BFSP2: variants seen among roughly 807,000 people sequenced by gnomAD.
The protein encoded by BFSP2 is beaded filament structural protein 2, also known as phakinin.
Under a neutral mutation model 44.9 loss-of-function variants are expected in BFSP2, and 38 were observed. That is an observed-to-expected ratio of 0.85 (90% CI 0.65 to 1.11). The LOEUF (loss-of-function observed/expected upper bound fraction) is 1.11, where lower values mean the gene tolerates loss of function less well. Ranked by LOEUF, BFSP2 falls within the 50% of genes least tolerant of loss-of-function variation. BFSP2 has a pLI of 0.00. For missense variants in BFSP2, 525 were observed against 533.0 expected (o/e 0.99, Z 0.15); for synonymous variants, 197 against 209.9 (o/e 0.94, Z 0.53).
At chr3:133,409,731 T>C (rs919736289) in intron 1 of BFSP2, among the ~76,000 whole-genome samples, 11 of 152,188 alleles carry the variant, frequency 7.2e-5, no homozygotes, top group African/African-American at 2.2e-4. Context: ...TGGTTGGGAA[T>C]CAATAAGAAT....
intron 2 of BFSP2, 64 bp from the exon 3 acceptor site, chr3:133,448,425 T>G: frequency 1.3e-6 from 2 of 1,594,988 alleles, no homozygotes; most frequent in Non-Finnish European, 8.6e-7. Flanking sequence ...TTGGTAACAT[T>G]TATAATCTGA....
intron 1 of BFSP2, among the ~76,000 whole-genome samples, chr3:133,439,317 T>C (rs1379405129): frequency 6.6e-6 from 1 of 152,268 alleles, no homozygotes; most frequent in Non-Finnish European, 1.5e-5. Flanking sequence ...TGTTGTTTAG[T>C]GTTATATTTC....
intron 1 of BFSP2, among the ~76,000 whole-genome samples, chr3:133,422,386 G>A (rs916543352): frequency 2.0e-5 from 3 of 152,182 alleles, no homozygotes; most frequent in African/African-American, 7.2e-5. Flanking sequence ...GTAGGTAGAT[G>A]AGATGGATCG....
chr3:133,411,923 T>C (rs1017129256), intron 1 of BFSP2, among the ~76,000 whole-genome samples: 2 of 152,192 alleles, frequency 1.3e-5, no homozygotes, highest in African/African-American at 4.8e-5. Flanking sequence ...TGGGCTTTAT[T>C]TGGATCACTA....
At chr3:133,420,888 A>C (rs1335462295) in intron 1 of BFSP2, among the ~76,000 whole-genome samples, 1 of 152,210 alleles carries the variant, frequency 6.6e-6, no homozygotes, top group African/African-American at 2.4e-5. Flanking sequence ...CTATCTTGGC[A>C]GTCCTGCATC....
intron 1 of BFSP2, among the ~76,000 whole-genome samples, chr3:133,415,406 ACCCCTGTCCTCT>A (rs1437550766): frequency 3.6e-5 from 1 of 27,464 alleles, no homozygotes; most frequent in African/African-American, 1.6e-4. Context: ...CCCTCTACTC[ACCCCTGTCCTCT>A]CCCCTCTACT....
At chr3:133,456,453 C>T (rs975451317) in intron 4 of BFSP2, among the ~76,000 whole-genome samples, 1 of 152,146 alleles carries the variant, frequency 6.6e-6, no homozygotes, top group African/African-American at 2.4e-5. Context: ...TAGCTACTGG[C>T]CTCAAGGGGT....
chr3:133,446,610 ATATATATATATATATATATATATATATAT>A (rs1187418872), intron 1 of BFSP2, among the ~76,000 whole-genome samples: 9 of 48,194 alleles, frequency 1.9e-4, no homozygotes, highest in African/African-American at 8.8e-4. Flanking sequence ...ATATATATAT[ATATATATATATATATATATATATATATAT>A]AAAGGAGTTT....
At chr3:133,469,279 T>C (rs2074140652) in intron 5 of BFSP2, among the ~76,000 whole-genome samples, 1 of 152,222 alleles carries the variant, frequency 6.6e-6, no homozygotes, top group African/African-American at 2.4e-5. Context: ...CAAACTCTCA[T>C]ACAGTTTTCA....
chr3:133,417,843 C>CT (rs1208191738), intron 1 of BFSP2, among the ~76,000 whole-genome samples: 2 of 121,648 alleles, frequency 1.6e-5, no homozygotes, highest in East Asian at 5.5e-4. Context: ...TCTACTCACC[C>CT]GTCCTCTCCC....
At chr3:133,447,219 G>A (rs1015900992) in intron 1 of BFSP2, 98 bp from the exon 2 acceptor site, 10 of 1,239,874 alleles carry the variant, frequency 8.1e-6, no homozygotes, top group African/African-American at 1.5e-5. Flanking sequence ...GGTTCTCTGA[G>A]GTCCCCCAGA....
At chr3:133,455,652 C>T (rs1382516006) in intron 4 of BFSP2, 1 of 152,220 alleles carries the variant, frequency 6.6e-6, no homozygotes, top group Non-Finnish European at 1.5e-5. Flanking sequence ...GAGCAGAGAT[C>T]ATGGAGGCCA....
At chr3:133,402,761 G>C (rs139695007) in intron 1 of BFSP2, among the ~76,000 whole-genome samples, 11,101 of 151,120 alleles carry the variant, frequency 0.073, 625 homozygotes, top group African/African-American at 0.14. Flanking sequence ...CTGCCTCAGC[G>C]TCCTGAGTAG....
chr3:133,441,416 A>G (rs2073844156), intron 1 of BFSP2, among the ~76,000 whole-genome samples: 1 of 152,206 alleles, frequency 6.6e-6, no homozygotes, highest in Non-Finnish European at 1.5e-5. Context: ...CCAGGTAACA[A>G]CTATCAGGTT....
chr3:133,433,392 G>A (rs2073747415), intron 1 of BFSP2, among the ~76,000 whole-genome samples: 2 of 152,108 alleles, frequency 1.3e-5, no homozygotes, highest in Non-Finnish European at 2.9e-5. Flanking sequence ...CTATCCTCAA[G>A]GAAATAACTT....
In BFSP2 at chr3:133,431,347, A is replaced by G. The variant is rs867673520; in HGVS notation, c.490-15970A>G. Among the ~76,000 whole-genome samples the G allele has an allele frequency of 8.5e-3, 1,290 of 152,112 alleles. 9 individuals carry two copies. The highest frequency in any genetic ancestry group is 0.028 in the African/African-American group (1,181 of 41,456). ...CTCCAGCACACAAGAACTTCCAAAC[A>G]CCTGAACCGCAGCAGCCAGGCGTTC... On this transcript the variant is annotated intron_variant, in intron 1 of 6. Transcript: ENST00000302334.
At chr3:133,405,809 T>C (rs1559956074) in intron 1 of BFSP2, among the ~76,000 whole-genome samples, 1 of 152,114 alleles carries the variant, frequency 6.6e-6, no homozygotes, top group Non-Finnish European at 1.5e-5. Context: ...CAGAGAAAAG[T>C]CCGTTAGAGA....
chr3:133,413,456 AGTG>A (rs918702736), intron 1 of BFSP2, among the ~76,000 whole-genome samples: 33 of 152,280 alleles, frequency 2.2e-4, no homozygotes, highest in Non-Finnish European at 4.4e-4. Flanking sequence ...AGCTGGCACA[AGTG>A]CTGAGGACAA....
intron 1 of BFSP2, among the ~76,000 whole-genome samples, chr3:133,406,465 G>C (rs896459877): frequency 6.6e-6 from 1 of 152,186 alleles, no homozygotes; most frequent in Non-Finnish European, 1.5e-5. Flanking sequence ...TGGAAGACAG[G>C]GGGTGGGGTC....
Sources: allele counts gnomAD v4.1 joint callset (sites outside exome capture counted in the v4.1 genomes callset), GRCh38; gene constraint gnomAD v4.1.1; transcripts MANE v1.5; gene names NCBI Gene and HGNC (gene_info 2026-07-23, HGNC 2026-07-21).